CHSY3: variants seen among roughly 807,000 people sequenced by gnomAD.
CHSY3 encodes N-acetylgalactosaminyl-proteoglycan 3-beta-glucuronosyltransferase 3.
CHSY3 carries 35 observed loss-of-function variants against 67.2 expected under a neutral mutation model. That is an observed-to-expected ratio of 0.52 (90% CI 0.40 to 0.69). CHSY3 has a LOEUF of 0.69. CHSY3 is among the 30% of genes least tolerant of loss of function. CHSY3 has a pLI of 0.00. For missense variants in CHSY3, 1,069 were observed against 1,138.5 expected, an observed-to-expected ratio of 0.94 and a Z score of 0.88; for synonymous variants, 474 against 434.7, an observed-to-expected ratio of 1.09 and a Z score of -1.12.
chr5:130,069,572 G>T (rs985738599), intron 2 of CHSY3, among the ~76,000 whole-genome samples: 1 of 151,926 alleles, frequency 6.6e-6, no homozygotes, highest in African/African-American at 2.4e-5. Context: ...ACATGCCATG[G>T]CCTATTTGGT....
chr5:130,032,393 G>C (rs989500516), intron 2 of CHSY3, among the ~76,000 whole-genome samples: 1 of 152,088 alleles, frequency 6.6e-6, no homozygotes, highest in African/African-American at 2.4e-5. Context: ...GGATAATAAG[G>C]TGTTTAAATG....
At chr5:130,047,583 T>G (rs761651697) in intron 2 of CHSY3, among the ~76,000 whole-genome samples, 5 of 152,076 alleles carry the variant, frequency 3.3e-5, no homozygotes, top group Non-Finnish European at 5.9e-5. Flanking sequence ...ATAGGAAAAG[T>G]CTATTGGATG....
At chr5:129,912,483 A>G (rs1760597432) in intron 2 of CHSY3, among the ~76,000 whole-genome samples, 1 of 152,104 alleles carries the variant, frequency 6.6e-6, no homozygotes, top group Non-Finnish European at 1.5e-5. Flanking sequence ...CCTTTCTCTC[A>G]ATAAGGCCCA....
chr5:129,906,012 C>G (rs990442233), intron 1 of CHSY3: 3 of 244,426 alleles, frequency 1.2e-5, no homozygotes, highest in Non-Finnish European at 2.3e-5. Context: ...TTTCCCCAAT[C>G]GGTCCAGAGG....
chr5:130,088,848 T>C (rs1321873761), intron 2 of CHSY3, among the ~76,000 whole-genome samples: 2 of 152,118 alleles, frequency 1.3e-5, no homozygotes, highest in African/African-American at 4.8e-5. Flanking sequence ...GAAATACCAT[T>C]TGACCCAGCC....
At chr5:129,913,475 T>C (rs1760635543) in intron 2 of CHSY3, among the ~76,000 whole-genome samples, 1 of 152,222 alleles carries the variant, frequency 6.6e-6, no homozygotes, top group Admixed American at 6.5e-5. Flanking sequence ...GATATGTTTT[T>C]AGTAAATAAC....
intron 2 of CHSY3, among the ~76,000 whole-genome samples, chr5:130,097,783 C>T (rs1408148779): frequency 1.3e-5 from 2 of 152,192 alleles, no homozygotes; most frequent in African/African-American, 4.8e-5. Context: ...GCGGGCGGAT[C>T]ACAAGGTCAG....
At chr5:130,041,974 C>T (rs190181800) in intron 2 of CHSY3, among the ~76,000 whole-genome samples, 1 of 152,106 alleles carries the variant, frequency 6.6e-6, no homozygotes, top group Non-Finnish European at 1.5e-5. Context: ...TACAGTGGCT[C>T]ACACCTGTAA....
chr5:130,163,611 T>C (rs1197843623), intron 2 of CHSY3, among the ~76,000 whole-genome samples: 1 of 152,186 alleles, frequency 6.6e-6, no homozygotes, highest in Non-Finnish European at 1.5e-5. Context: ...AAAAGTATGG[T>C]CATTTATTAA....
intron 2 of CHSY3, among the ~76,000 whole-genome samples, chr5:130,178,231 A>ATATATATT (rs1426720832): frequency 9.0e-5 from 5 of 55,716 alleles, no homozygotes; most frequent in South Asian, 6.1e-4. Flanking sequence ...TTATATTTAT[A>ATATATATT]TATATATATA....
intron 2 of CHSY3, among the ~76,000 whole-genome samples, chr5:130,026,901 A>ATG (rs138023476): frequency 0.013 from 2,052 of 152,140 alleles, 36 homozygotes; most frequent in African/African-American, 0.047. Context: ...CCCAACGGCC[A>ATG]TGTGTGTGTG....
chr5:130,046,433 C>T (rs981160297), intron 2 of CHSY3, among the ~76,000 whole-genome samples: 1 of 152,124 alleles, frequency 6.6e-6, no homozygotes, highest in East Asian at 1.9e-4. Flanking sequence ...AAATTTTCAC[C>T]ATGGTTTGGG....
At chr5:130,091,091 CT>C (rs1201080227) in intron 2 of CHSY3, among the ~76,000 whole-genome samples, 1 of 151,102 alleles carries the variant, frequency 6.6e-6, no homozygotes, top group Non-Finnish European at 1.5e-5. Flanking sequence ...ACCAGGTCTG[CT>C]GTTTCTGAAC....
At chr5:129,962,761 A>G (rs1365490149) in intron 2 of CHSY3, among the ~76,000 whole-genome samples, 3 of 151,900 alleles carry the variant, frequency 2.0e-5, no homozygotes, top group Admixed American at 6.6e-5. Flanking sequence ...TTTTTTGTAC[A>G]TATTAACTTG....
At chr5:130,145,014 G>A (rs1769029138) in intron 2 of CHSY3, among the ~76,000 whole-genome samples, 1 of 151,984 alleles carries the variant, frequency 6.6e-6, no homozygotes, top group Non-Finnish European at 1.5e-5. Flanking sequence ...AGAGAGGGAA[G>A]GGCAGTGCTA....
intron 2 of CHSY3, among the ~76,000 whole-genome samples, chr5:130,098,910 T>A (rs541821050): frequency 6.6e-6 from 1 of 152,344 alleles, no homozygotes; most frequent in East Asian, 1.9e-4. Flanking sequence ...TTTCTAATTT[T>A]TTTAACTGTG....
intron 2 of CHSY3, among the ~76,000 whole-genome samples, chr5:130,043,756 T>TGCA (rs3065052): frequency 0.52 from 78,938 of 151,698 alleles, 21,181 homozygotes; most frequent in East Asian, 0.67. Context: ...ACCTGACGTG[T>TGCA]GCATATGTTT....
intron 2 of CHSY3, among the ~76,000 whole-genome samples, chr5:130,059,544 G>A (rs1182296135): frequency 6.6e-6 from 1 of 151,402 alleles, no homozygotes; most frequent in Non-Finnish European, 1.5e-5. Flanking sequence ...GCATACTCTG[G>A]GATGATCTTA....
chr5:130,022,873 A>C (rs1302177627), intron 2 of CHSY3, among the ~76,000 whole-genome samples: 1 of 152,020 alleles, frequency 6.6e-6, no homozygotes, highest in Non-Finnish European at 1.5e-5. Flanking sequence ...GTTTTCTAAA[A>C]GGGGTCCATG....
Sources: allele counts gnomAD v4.1 joint callset (sites outside exome capture counted in the v4.1 genomes callset), GRCh38; gene constraint gnomAD v4.1.1; transcripts MANE v1.5; gene names NCBI Gene and HGNC (gene_info 2026-07-23, HGNC 2026-07-21).